Variants in CCNG2 observed in about 807,000 individuals in gnomAD.
The protein encoded by CCNG2 is cyclin-G2.
CCNG2 carries 20 observed loss-of-function variants against 36.5 expected under a neutral mutation model. The observed-to-expected ratio is 0.55, with a 90% confidence interval of 0.39 to 0.80. CCNG2 has a LOEUF of 0.80. Among genes scored for constraint, CCNG2 ranks in the 30% least tolerant of loss-of-function variants. CCNG2 has a pLI of 0.00. For synonymous variants in CCNG2, 155 were observed against 140.1 expected (o/e 1.11, Z -0.75); for missense variants, 358 against 390.8 (o/e 0.92, Z 0.71).
intron 1 of CCNG2, chr4:77,158,167 C>A (rs1485495107): frequency 9.6e-6 from 2 of 208,942 alleles, no homozygotes; most frequent in Non-Finnish European, 1.9e-5. Context: ...CCGCTGCAGT[C>A]GCTCGCCACA....
Position 77,164,255 on chromosome 4 carries a change from TA to T in CCNG2, c.706-15del, listed in dbSNP as rs1440691224. On this transcript the variant is annotated intron_variant, in intron 6 of 7. Transcript: ENST00000316355. ...TTTGGGAGACATTGCCGTAACCTCT[TA>T]AAATATTTTTTTTTCAGATTAATGA... 1 of 1,600,202 alleles carries T rather than the reference TA, an allele frequency of 6.2e-7. No homozygotes were observed. Among genetic ancestry groups the T allele is most frequent in the African/African-American group, 1.3e-5 (1 of 74,530 alleles).
intron 4 of CCNG2, 112 bp downstream of exon 4, chr4:77,161,083 G>A: frequency 1.7e-6 from 1 of 572,000 alleles, no homozygotes; most frequent in South Asian, 2.5e-5. Flanking sequence ...TTTCAACTTT[G>A]ACTTTATTGG....
In CCNG2 at chr4:77,158,675, G is replaced by T. The variant is rs1731341999; in HGVS notation, c.138+5G>T. 3 of 1,613,938 alleles carry T rather than the reference G, an allele frequency of 1.9e-6. No individual in the cohort carries two copies. ...TTGATTGAGGCTACCCCGGAGGTAA[G>T]TTGGCAGAAAAGATAACTTGCTCAA... On this transcript the variant is annotated splice_donor_5th_base_variant and intron_variant, in intron 2 of 7. Transcript: ENST00000316355.
intron 4 of CCNG2, 24 bp downstream of exon 4, chr4:77,160,995 T>G (rs2109917691): frequency 6.4e-7 from 1 of 1,566,022 alleles, no homozygotes; most frequent in Non-Finnish European, 8.7e-7. Context: ...AAGATACATT[T>G]TGTACTTTGA....
At chr4:77,160,616 C>T (rs1215015203) in intron 3 of CCNG2, 105 bp from the exon 4 acceptor site, 19 of 1,149,138 alleles carry the variant, frequency 1.7e-5, no homozygotes, top group Admixed American at 6.9e-5. Flanking sequence ...AGAGAAACAA[C>T]TTGATTGTGT....
intron 1 of CCNG2, among the ~76,000 whole-genome samples, chr4:77,158,055 C>T (rs2109913478): frequency 6.6e-6 from 1 of 152,060 alleles, no homozygotes; most frequent in South Asian, 2.1e-4. Flanking sequence ...GCTGGGCGCC[C>T]CGGGCGGGCG....
chr4:77,164,606 G>A, intron 7 of CCNG2, 127 bp downstream of exon 7: 1 of 636,474 alleles, frequency 1.6e-6, no homozygotes, highest in Non-Finnish European at 2.7e-6. Flanking sequence ...AAGAATTAAA[G>A]CCCCCACTCT....
At chr4:77,161,978 T>C (rs1731451398) in intron 6 of CCNG2, among the ~76,000 whole-genome samples, 2 of 152,250 alleles carry the variant, frequency 1.3e-5, no homozygotes, top group South Asian at 4.1e-4. Flanking sequence ...AGGTGCCCCT[T>C]CTGTAGTAAT....
Position 77,164,480 on chromosome 4 carries a change from G to A in CCNG2, c.911+1G>A. 6.2e-7 allele frequency: 1 copy of A among 1,612,036 alleles called. No homozygotes were observed. Among genetic ancestry groups the A allele is most frequent in the Non-Finnish European group, 8.5e-7 (1 of 1,178,230 alleles). On this transcript the variant is annotated splice_donor_variant, in intron 7 of 7. Coordinates refer to ENST00000316355, the MANE Select transcript of CCNG2 (RefSeq NM_004354.3). LOFTEE classifies it high-confidence loss of function. ...GGGGTTGTTTTGATGAAAGTGAAAG[G>A]TAGGCAGGTTCCTTGACTAATTAAA...
At chr4:77,158,089 GCTT>G (rs1344092954) in intron 1 of CCNG2, among the ~76,000 whole-genome samples, 10 of 151,950 alleles carry the variant, frequency 6.6e-5, no homozygotes, top group African/African-American at 2.4e-4. Flanking sequence ...TCCTCCCTCC[GCTT>G]CTTTGTTCAG....
chr4:77,163,167 G>GT (rs1731532309), intron 6 of CCNG2, among the ~76,000 whole-genome samples: 1 of 152,106 alleles, frequency 6.6e-6, no homozygotes, highest in Non-Finnish European at 1.5e-5. Flanking sequence ...AGTTGAAACG[G>GT]TAAGAAGCTG....
chr4:77,165,872 G>T lies in CCNG2; in HGVS notation c.983G>T (p.Cys328Phe). ...LSSSPPSDQE[C>F]TFFFNFKVAQ... ...AGCTCTCCTCCCAGTGATCAAGAGT[G>T]CACCTTCTTTTTCAACTTCAAAGTG... is the stretch of plus-strand genomic sequence containing the variant. Residue 328 changes from cysteine to phenylalanine, a missense_variant, in exon 8 of 8, where the codon TGC (cysteine) becomes TTC (phenylalanine). Physicochemically the swap from Cys to Phe is radical, Grantham distance 205. Coordinates refer to ENST00000316355, the MANE Select transcript of CCNG2 (RefSeq NM_004354.3). 1.2e-6 allele frequency: 2 copies of T among 1,611,800 alleles called. No individual in the cohort carries two copies. The highest frequency in any genetic ancestry group is 1.1e-5 in the South Asian group (1 of 90,772).
intron 2 of CCNG2, among the ~76,000 whole-genome samples, 176 bp downstream of exon 2, chr4:77,158,846 A>G (rs890785645): frequency 1.3e-5 from 2 of 152,202 alleles, no homozygotes; most frequent in Admixed American, 6.5e-5. Flanking sequence ...AGCAAGAATG[A>G]GAGTGATACT....
rs773700435 is a variant in CCNG2 at position 77,158,658 on chromosome 4, G to C, written c.126G>C (p.Glu42Asp). Reference sequence around the variant, plus strand: ...GAGAAAAAGGGCTGAGTTTGATTGAGGCTACCCCGGAGGTAAGTTGGCAGA... The same window carrying C: ...GAGAAAAAGGGCTGAGTTTGATTGACGCTACCCCGGAGGTAAGTTGGCAGA... ...QPREKGLSLI[E>D]ATPENDNTLC... Residue 42 changes from glutamate to aspartate, a missense_variant, in exon 2 of 8, where the codon GAG becomes GAC. Physicochemically the swap from Glu to Asp is conservative, Grantham distance 45 (BLOSUM62 2). Transcript: ENST00000316355. 1 of 1,614,128 alleles carries C rather than the reference G, an allele frequency of 6.2e-7. No individual in the cohort carries two copies. The highest frequency in any genetic ancestry group is 8.5e-7 in the Non-Finnish European group (1 of 1,180,030).
At chr4:77,160,536 G>C (rs931725099) in intron 3 of CCNG2, among the ~76,000 whole-genome samples, 185 bp from the exon 4 acceptor site, 27 of 147,934 alleles carry the variant, frequency 1.8e-4, no homozygotes, top group Middle Eastern at 3.5e-3. Flanking sequence ...TTTTTTGGGG[G>C]GGGGGGGAGG....
rs1202610424 is a variant in CCNG2 at position 77,166,417 on chromosome 4, G to T, written c.*493G>T. ...GCTCTTAAATGTCAAACACATTTTT[G>T]TTGTTTTGTTTTTTAAATGATCAGT... On this transcript the variant is annotated 3_prime_UTR_variant, in exon 8 of 8. Coordinates refer to ENST00000316355, the MANE Select transcript of CCNG2 (RefSeq NM_004354.3). The T allele has an allele frequency of 6.6e-6, 1 of 152,088 alleles. No homozygotes were observed. Among genetic ancestry groups the T allele is most frequent in the African/African-American group, 2.4e-5 (1 of 41,410 alleles). 9.4% of individuals were successfully genotyped at this position (152,088 alleles called of 1,614,324 possible).
intron 7 of CCNG2, among the ~76,000 whole-genome samples, chr4:77,165,314 T>A (rs1731597640): frequency 6.6e-6 from 1 of 152,258 alleles, no homozygotes; most frequent in African/African-American, 2.4e-5. Flanking sequence ...GGATTTAAAA[T>A]ACTTAGAATT....
chr4:77,165,774 T>G, intron 7 of CCNG2, 27 bp from the exon 8 acceptor site: 1 of 1,528,132 alleles, frequency 6.5e-7, no homozygotes, highest in East Asian at 2.4e-5. Flanking sequence ...AATGGTATCC[T>G]CTTTTTTTGT....
rs532626076 is a variant in CCNG2 at position 77,157,454 on chromosome 4, C to T, written c.-53C>T. The T allele has an allele frequency of 2.0e-5, 3 of 152,222 alleles. No individual in the cohort carries two copies. Among genetic ancestry groups the T allele is most frequent in the Non-Finnish European group, 4.4e-5 (3 of 68,086 alleles). The allele number at this position is 152,222 out of a possible 1,614,324, so 9.4% of individuals were successfully genotyped here. ...CAGGTTTGGAAGCCCCCGCTGCGCCCAGTCCGTGCGGACCGCGAGGCCGCG... is the reference window on the plus strand; with the variant it reads ...CAGGTTTGGAAGCCCCCGCTGCGCCTAGTCCGTGCGGACCGCGAGGCCGCG... On this transcript the variant is annotated 5_prime_UTR_variant, in exon 1 of 8. Transcript: ENST00000316355.
Sources: gnomAD v4.1 joint callset for allele counts (sites outside exome capture counted in the v4.1 genomes callset) on GRCh38, gnomAD v4.1.1 for gene constraint, MANE v1.5 for transcripts, NCBI Gene and HGNC (gene_info 2026-07-23, HGNC 2026-07-21) for gene names.